The following RANBP17 variants were observed in gnomAD, a reference collection of about 807,000 sequenced individuals.
RANBP17 encodes the protein RAN binding protein 17.
Under a neutral mutation model 141.2 loss-of-function variants are expected in RANBP17, and 158 were observed. The observed-to-expected ratio is 1.12, with a 90% CI of 0.98 to 1.28. The LOEUF (loss-of-function observed/expected upper bound fraction) is 1.28, where lower values mean the gene tolerates loss of function less well. RANBP17 is among the 50% of genes most tolerant of loss of function. The pLI is 0.00. For synonymous variants in RANBP17, 430 were observed against 450.0 expected (o/e 0.96, Z 0.56); for missense variants, 1,438 against 1,290.7 (o/e 1.11, Z -1.75).
chr5:170,927,500 G>C (rs1694845584), intron 12 of RANBP17, among the ~76,000 whole-genome samples: 1 of 151,938 alleles, frequency 6.6e-6, no homozygotes, highest in African/African-American at 2.4e-5. Context: ...ATTTACATAA[G>C]AGCCATTTGG....
intron 24 of RANBP17, among the ~76,000 whole-genome samples, chr5:171,261,500 T>C (rs1244996925): frequency 6.6e-6 from 1 of 152,192 alleles, no homozygotes; most frequent in East Asian, 1.9e-4. Flanking sequence ...TTCTTCCTGA[T>C]TCTCAGTTAA....
chr5:171,286,523 A>G (rs1768182207), intron 25 of RANBP17, among the ~76,000 whole-genome samples: 1 of 152,216 alleles, frequency 6.6e-6, no homozygotes, highest in Non-Finnish European at 1.5e-5. Flanking sequence ...AATTTAATGT[A>G]ACTTAGATGG....
intron 14 of RANBP17, among the ~76,000 whole-genome samples, chr5:171,117,272 C>G (rs1037543142): frequency 2.0e-5 from 3 of 152,136 alleles, no homozygotes; most frequent in African/African-American, 7.2e-5. Flanking sequence ...AGTGGCTATA[C>G]TGTCACATTC....
intron 16 of RANBP17, among the ~76,000 whole-genome samples, chr5:171,180,279 A>G (rs1172315350): frequency 1.3e-5 from 2 of 152,238 alleles, no homozygotes; most frequent in Non-Finnish European, 2.9e-5. Context: ...TTAAAATCAA[A>G]TGGATCTGAT....
At chr5:171,096,697 A>C (rs1786717972) in intron 14 of RANBP17, among the ~76,000 whole-genome samples, 1 of 152,186 alleles carries the variant, frequency 6.6e-6, no homozygotes, top group African/African-American at 2.4e-5. Context: ...ACTTACAGAG[A>C]AAGAATAAAT....
chr5:171,285,013 T>C (rs1768076480), intron 25 of RANBP17, among the ~76,000 whole-genome samples: 1 of 152,180 alleles, frequency 6.6e-6, no homozygotes, highest in African/African-American at 2.4e-5. Context: ...AGTCTTCTAC[T>C]CCTTGCCCCT....
intron 14 of RANBP17, among the ~76,000 whole-genome samples, chr5:171,154,546 C>G (rs1336791874): frequency 6.6e-6 from 1 of 152,142 alleles, no homozygotes; most frequent in East Asian, 1.9e-4. Flanking sequence ...TCCCAAAATG[C>G]TGGGATTACA....
At chr5:171,252,373 A>C in intron 24 of RANBP17, 1 of 1,536,810 alleles carries the variant, frequency 6.5e-7, no homozygotes, top group Non-Finnish European at 9.0e-7. Context: ...CAGATGTCTT[A>C]CTTGTGAAAC....
At chr5:171,033,099 C>T (rs1348787451) in intron 14 of RANBP17, among the ~76,000 whole-genome samples, 2 of 124,384 alleles carry the variant, frequency 1.6e-5, no homozygotes, top group Non-Finnish European at 1.6e-5. Flanking sequence ...TGGCCTGATG[C>T]ACTTTGAATG....
chr5:171,048,547 A>G (rs943333961), intron 14 of RANBP17, among the ~76,000 whole-genome samples: 1 of 151,950 alleles, frequency 6.6e-6, no homozygotes, highest in Non-Finnish European at 1.5e-5. Context: ...TGTGTGTCAC[A>G]TGGGTTTGGT....
chr5:171,224,535 G>A (rs557135668), intron 22 of RANBP17, among the ~76,000 whole-genome samples: 1 of 152,318 alleles, frequency 6.6e-6, no homozygotes, highest in Admixed American at 6.5e-5. Flanking sequence ...GGGCTTCAAA[G>A]GTTGTTCTGT....
chr5:171,249,073 C>T (rs905721874), intron 24 of RANBP17, among the ~76,000 whole-genome samples: 1 of 152,312 alleles, frequency 6.6e-6, no homozygotes, highest in East Asian at 1.9e-4. Flanking sequence ...AAGACTGAGA[C>T]CTGCCTGGTT....
chr5:170,916,125 TATC>T (rs200611951), intron 8 of RANBP17, among the ~76,000 whole-genome samples: 1,771 of 144,356 alleles, frequency 0.012, 119 homozygotes, highest in African/African-American at 0.039. Flanking sequence ...TATATTGCAT[TATC>T]ATGCGTTATA....
intron 1 of RANBP17, among the ~76,000 whole-genome samples, chr5:170,864,657 CCTTGGTA>C (rs1385189363): frequency 6.6e-6 from 1 of 152,066 alleles, no homozygotes; most frequent in African/African-American, 2.4e-5. Context: ...AACAGAGGTA[CCTTGGTA>C]AGAATCGAGA....
intron 14 of RANBP17, among the ~76,000 whole-genome samples, chr5:171,094,150 C>G (rs550818015): frequency 3.9e-5 from 6 of 152,246 alleles, no homozygotes; most frequent in African/African-American, 1.4e-4. Context: ...AGAATGAAAG[C>G]ACCAACTAAC....
chr5:170,863,350 A>C (rs1766977031), intron 1 of RANBP17: 1 of 152,206 alleles, frequency 6.6e-6, no homozygotes, highest in African/African-American at 2.4e-5. Flanking sequence ...GTATCTAAGA[A>C]TCTCATTCCC....
chr5:171,026,828 G>A (rs547231120), intron 14 of RANBP17, among the ~76,000 whole-genome samples: 1 of 152,176 alleles, frequency 6.6e-6, no homozygotes, highest in South Asian at 2.1e-4. Flanking sequence ...TGTACTTTAG[G>A]ACAGGGATCC....
chr5:170,939,050 G>T (rs1774112836), intron 12 of RANBP17, among the ~76,000 whole-genome samples: 1 of 152,196 alleles, frequency 6.6e-6, no homozygotes, highest in South Asian at 2.1e-4. Context: ...TTAGAAAGTA[G>T]TGTAAACTGG....
At chr5:171,036,452 A>G (rs1180918602) in intron 14 of RANBP17, among the ~76,000 whole-genome samples, 1 of 151,694 alleles carries the variant, frequency 6.6e-6, no homozygotes, top group Non-Finnish European at 1.5e-5. Context: ...TTTCTTTATA[A>G]TTTCAGCATT....
Sources: allele counts gnomAD v4.1 joint callset (sites outside exome capture counted in the v4.1 genomes callset), GRCh38; gene constraint gnomAD v4.1.1; transcripts MANE v1.5; gene names NCBI Gene and HGNC (gene_info 2026-07-23, HGNC 2026-07-21).